The following SULT1E1 variants were observed in gnomAD, a reference collection of about 807,000 sequenced individuals.
SULT1E1 encodes the protein sulfotransferase 1E1.
In SULT1E1, 36 loss-of-function variants were observed where a neutral mutation model predicts 33.6. The observed-to-expected ratio is 1.07, with a 90% confidence interval of 0.82 to 1.41. The LOEUF (loss-of-function observed/expected upper bound fraction) is 1.41, where lower values mean the gene tolerates loss of function less well. Ranked by LOEUF, SULT1E1 falls within the 40% of genes most tolerant of loss-of-function variation. The pLI is 0.00. For missense variants in SULT1E1, 371 were observed against 345.7 expected, an observed-to-expected ratio of 1.07 and a Z score of -0.58; for synonymous variants, 121 against 111.7, an observed-to-expected ratio of 1.08 and a Z score of -0.53.
At chr4:69,833,060 C>G in the SULT1E1 span, among the ~76,000 whole-genome samples, 1 of 152,002 alleles carries the variant, frequency 6.6e-6, no homozygotes, top group Admixed American at 6.6e-5. Context: ...TTATTTTTTT[C>G]TTTTAATTTT....
the SULT1E1 span, among the ~76,000 whole-genome samples, chr4:69,832,078 C>A: frequency 6.6e-6 from 1 of 152,188 alleles, no homozygotes; most frequent in East Asian, 1.9e-4. Context: ...GGTTATACCT[C>A]GGGAGGTGAT....
Position 69,842,089 on chromosome 4 carries a change from T to C in SULT1E1, c.790A>G (p.Lys264Glu). The stretch of plus-strand genomic sequence containing the variant: ...TTCAGGGCTACTGTAAAGTGATTTT[T>C]CCAGTCTCCTGTAATTCCTGTAACA... ...FMRKGITGDW[K>E]NHFTVALNEK... is the part of the protein sequence containing the mutation. The change falls in exon 8 of 8, where the codon AAA becomes GAA. Residue 264 changes from lysine (K) to glutamate (E), a missense_variant. By Grantham distance (56) the Lys-to-Glu change is moderately conservative. Transcript: ENST00000226444. 6.2e-7 allele frequency: 1 copy of C among 1,602,982 alleles called. No individual in the cohort carries two copies. Among genetic ancestry groups the C allele is most frequent in the Non-Finnish European group, 8.5e-7 (1 of 1,173,148 alleles).
At chr4:69,842,443 C>T (rs982036128) in intron 7 of SULT1E1, among the ~76,000 whole-genome samples, 9 of 152,192 alleles carry the variant, frequency 5.9e-5, no homozygotes, top group Non-Finnish European at 1.3e-4. Context: ...CATCTTAATG[C>T]TGATAGCACT....
intron 6 of SULT1E1, 79 bp from the exon 7 acceptor site, chr4:69,844,420 C>A (rs375251506): frequency 2.6e-6 from 3 of 1,133,804 alleles, no homozygotes. Flanking sequence ...AAAAAATAAA[C>A]CTTTCTCTTT....
the SULT1E1 span, among the ~76,000 whole-genome samples, chr4:69,825,857 C>T: frequency 6.6e-6 from 1 of 152,210 alleles, no homozygotes; most frequent in Non-Finnish European, 1.5e-5. Flanking sequence ...TGCCTCTCTT[C>T]TCCGAGGCTA....
chr4:69,833,299 C>A, the SULT1E1 span, among the ~76,000 whole-genome samples: 2 of 152,126 alleles, frequency 1.3e-5, no homozygotes, highest in Non-Finnish European at 2.9e-5. Context: ...GGTGTACACT[C>A]AACATCTTAG....
At chr4:69,827,255 G>A in the SULT1E1 span, among the ~76,000 whole-genome samples, 1 of 152,136 alleles carries the variant, frequency 6.6e-6, no homozygotes, top group Non-Finnish European at 1.5e-5. Context: ...TTTAACTGCA[G>A]CCCGAGAGTT....
In SULT1E1 at chr4:69,844,132, A is replaced by G. The variant is rs1324537063; in HGVS notation, c.772+29T>C. The stretch of plus-strand genomic sequence containing the variant: ...ACCATGTCACCTTGTGACTTCCTCT[A>G]GTATCGAGGCAAACCACATTTTTCT... On this transcript the variant is annotated intron_variant, in intron 7 of 7. Coordinates refer to ENST00000226444, the MANE Select transcript of SULT1E1 (RefSeq NM_005420.3). The G allele has an allele frequency of 3.1e-6, 5 of 1,608,738 alleles. No individual in the cohort carries two copies. The African/African-American group carries it at 4.0e-5, about 13-fold the overall frequency.
the SULT1E1 span, among the ~76,000 whole-genome samples, chr4:69,831,763 C>T: frequency 3.3e-5 from 5 of 152,116 alleles, no homozygotes; most frequent in Admixed American, 1.3e-4. Flanking sequence ...TCCTTATTCC[C>T]ACCACGGATG....
chr4:69,827,611 C>T, the SULT1E1 span, among the ~76,000 whole-genome samples: 6 of 152,268 alleles, frequency 3.9e-5, no homozygotes, highest in East Asian at 1.2e-3. Flanking sequence ...AAGTTTATTA[C>T]CCAGTCAGCC....
chr4:69,832,729 C>G, the SULT1E1 span, among the ~76,000 whole-genome samples: 24 of 152,272 alleles, frequency 1.6e-4, no homozygotes, highest in Non-Finnish European at 2.6e-4. Flanking sequence ...TGCTCAGGCA[C>G]GTCTGGTGAC....
At chr4:69,847,215 AT>A (rs905842229) in intron 6 of SULT1E1, among the ~76,000 whole-genome samples, 1 of 149,740 alleles carries the variant, frequency 6.7e-6, no homozygotes, top group African/African-American at 2.4e-5. Context: ...GTATTTGGCT[AT>A]TTTTTTTCAA....
intron 4 of SULT1E1, among the ~76,000 whole-genome samples, chr4:69,850,734 T>C (rs1317206505): frequency 6.6e-6 from 1 of 152,126 alleles, no homozygotes; most frequent in East Asian, 1.9e-4. Flanking sequence ...TCTTGAATGT[T>C]TTCTGTTTCT....
Position 69,841,283 on chromosome 4 carries a change from CATAGGTT to C in SULT1E1, c.*704_*710del, listed in dbSNP as rs1331892074. ...ATAATCTGTGTTACTACATCATTCC[CATAGGTT>C]ATAGTTGTGCATGATATTTATAAAA... is the stretch of plus-strand genomic sequence containing the variant. On this transcript the variant is annotated 3_prime_UTR_variant, in exon 8 of 8. Coordinates refer to ENST00000226444, the MANE Select transcript of SULT1E1 (RefSeq NM_005420.3). The C allele has an allele frequency of 4.6e-5, 7 of 151,834 alleles. No homozygotes were observed. The highest frequency in any genetic ancestry group is 1.7e-4 in the African/African-American group (7 of 41,310). The allele number at this position is 151,834 out of a possible 1,614,324, so 9.4% of individuals were successfully genotyped here. A position where few individuals can be genotyped will look rare whatever the true frequency, so the allele number is the denominator to read the frequency against.
chr4:69,839,866 C>A (rs1262873794), downstream of SULT1E1, among the ~76,000 whole-genome samples: 1 of 152,194 alleles, frequency 6.6e-6, no homozygotes, highest in Non-Finnish European at 1.5e-5. Flanking sequence ...TCTTGGCAAG[C>A]TTTGGAAAGA....
rs147467064 is a variant in SULT1E1 at position 69,844,008 on chromosome 4, A to G, written c.772+153T>C. Among the ~76,000 whole-genome samples, 362 of 152,356 alleles carry G rather than the reference A, an allele frequency of 2.4e-3. 4 individuals carry two copies. Among genetic ancestry groups the G allele is most frequent in the African/African-American group, 8.1e-3 (335 of 41,584 alleles). On this transcript the variant is annotated intron_variant, in intron 7 of 7. Transcript: ENST00000226444. The stretch of plus-strand genomic sequence containing the variant: ...CAACAGGTAATTGCAATGTAATAGA[A>G]GTGTAACTTAAAGAGTGTATTCAAA...
chr4:69,826,309 G>A, the SULT1E1 span, among the ~76,000 whole-genome samples: 2 of 152,060 alleles, frequency 1.3e-5, no homozygotes, highest in Non-Finnish European at 2.9e-5. Context: ...TGTCGGTAAG[G>A]GCCACTAAAT....
At chr4:69,857,795 A>G (rs1721276483) in intron 1 of SULT1E1, 142 bp from the exon 2 acceptor site, 3 of 633,180 alleles carry the variant, frequency 4.7e-6, no homozygotes, top group African/African-American at 1.9e-5. Context: ...GTAAAGTTGC[A>G]TATCAAATAG....
intron 6 of SULT1E1, among the ~76,000 whole-genome samples, chr4:69,846,707 T>C (rs1720984654): frequency 6.6e-6 from 1 of 151,844 alleles, no homozygotes; most frequent in South Asian, 2.1e-4. Context: ...TTTCCAGTGT[T>C]TGTATCTTTC....
Sources: gnomAD v4.1 joint callset for allele counts (sites outside exome capture counted in the v4.1 genomes callset) on GRCh38, gnomAD v4.1.1 for gene constraint, MANE v1.5 for transcripts, NCBI Gene and HGNC (gene_info 2026-07-23, HGNC 2026-07-21) for gene names.